TEX9: variants seen among roughly 807,000 people sequenced by gnomAD.
TEX9 encodes the protein testis expressed 9.
In TEX9, 74 loss-of-function variants were observed where a neutral mutation model predicts 59.6. The observed-to-expected ratio is 1.24, with a 90% CI of 1.03 to 1.51. The LOEUF (loss-of-function observed/expected upper bound fraction) is 1.51. Among genes scored for constraint, TEX9 ranks in the 40% most tolerant of loss-of-function variants. TEX9 has a pLI of 0.00. For synonymous variants in TEX9, 186 were observed against 152.2 expected (o/e 1.22, Z -1.64); for missense variants, 522 against 447.8 (o/e 1.17, Z -1.49).
At chr15:56,369,347 G>A (rs967618386) in intron 2 of TEX9, among the ~76,000 whole-genome samples, 12 of 145,992 alleles carry the variant, frequency 8.2e-5, no homozygotes, top group Middle Eastern at 6.8e-3. Context: ...ATGGCACCAT[G>A]CCATGCTAAT....
chr15:56,253,844 T>A (rs1280754163), intron 1 of TEX9, among the ~76,000 whole-genome samples: 2 of 151,640 alleles, frequency 1.3e-5, no homozygotes, highest in African/African-American at 4.9e-5. Context: ...TAAAAAAAAA[T>A]GGAATAGACT....
At chr15:56,284,265 A>G (rs116139129) in intron 1 of TEX9, among the ~76,000 whole-genome samples, 4,032 of 152,154 alleles carry the variant, frequency 0.026, 175 homozygotes, top group African/African-American at 0.091. Context: ...CCACAGTGCT[A>G]GGATTACAGG....
intron 12 of TEX9, chr15:56,429,403 A>ATTTATCAGCTCTAG (rs2050494274): frequency 2.3e-6 from 1 of 425,858 alleles, no homozygotes; most frequent in African/African-American, 2.1e-5. Context: ...CAATTTTCTG[A>ATTTATCAGCTCTAG]TTTATCAGCT....
intron 9 of TEX9, chr15:56,395,206 CA>C (rs1288423563): frequency 4.4e-6 from 1 of 225,008 alleles, no homozygotes; most frequent in Non-Finnish European, 8.6e-6. Flanking sequence ...TTCTGGAAAT[CA>C]CATATACGTG....
intron 1 of TEX9, among the ~76,000 whole-genome samples, chr15:56,306,257 C>CAAAAAAA (rs55882329): frequency 3.3e-4 from 26 of 79,444 alleles, no homozygotes; most frequent in Non-Finnish European, 3.6e-4. Context: ...AGGTACATAG[C>CAAAAAAA]AAAAAAAAAA....
downstream of TEX9, among the ~76,000 whole-genome samples, chr15:56,450,361 A>C (rs1402153366): frequency 6.6e-6 from 1 of 152,172 alleles, no homozygotes; most frequent in Non-Finnish European, 1.5e-5. Context: ...CACTATTTCC[A>C]AAACTTTTTC....
At chr15:56,412,432 A>C in exon 10 of TEX9, 1 of 1,606,966 alleles carries the variant, frequency 6.2e-7, no homozygotes, top group Non-Finnish European at 8.5e-7. Flanking sequence ...AGGCAAAATA[A>C]CAAGGTATGG....
At chr15:56,433,228 G>C (rs1462761686) in intron 12 of TEX9, among the ~76,000 whole-genome samples, 1 of 141,214 alleles carries the variant, frequency 7.1e-6, no homozygotes, top group African/African-American at 2.6e-5. Context: ...CACAGGGAGA[G>C]GAACATCATC....
At chr15:56,365,502 G>T (rs1278234140) in intron 1 of TEX9, 25 bp downstream of exon 1, 1 of 1,614,194 alleles carries the variant, frequency 6.2e-7, no homozygotes, top group South Asian at 1.1e-5. Flanking sequence ...AGGCTCCTGG[G>T]GAGCGTCTGG....
chr15:56,435,830 T>C (rs773646422), intron 12 of TEX9, among the ~76,000 whole-genome samples: 7 of 151,990 alleles, frequency 4.6e-5, no homozygotes, highest in Non-Finnish European at 7.4e-5. Context: ...GAAGATAGTA[T>C]TACCCCGCTA....
intron 3 of TEX9, 96 bp downstream of exon 3, chr15:56,373,600 G>C: frequency 1.0e-6 from 1 of 979,438 alleles, no homozygotes. Context: ...ACTAGCCAAA[G>C]CATGTGTGTT....
chr15:56,282,803 T>C (rs1444161467), intron 1 of TEX9, among the ~76,000 whole-genome samples: 2 of 151,998 alleles, frequency 1.3e-5, no homozygotes, highest in East Asian at 3.8e-4. Flanking sequence ...TATTGCAAAG[T>C]GAGGGAAATT....
chr15:56,309,693 G>GTTTTTTT (rs60648387), intron 1 of TEX9, among the ~76,000 whole-genome samples: 6,470 of 60,558 alleles, frequency 0.11, 1,023 homozygotes, highest in Non-Finnish European at 0.14. Flanking sequence ...TTTATGGGAA[G>GTTTTTTT]TTTTTTTTTT....
At chr15:56,312,121 T>C (rs1229790809) in intron 1 of TEX9, among the ~76,000 whole-genome samples, 4 of 148,364 alleles carry the variant, frequency 2.7e-5, no homozygotes, top group South Asian at 2.1e-4. Flanking sequence ...GGTAGTTTCT[T>C]TTGCTGTGCA....
At chr15:56,316,013 A>T (rs1240943008) in intron 1 of TEX9, among the ~76,000 whole-genome samples, 102 of 151,012 alleles carry the variant, frequency 6.8e-4, no homozygotes, top group Non-Finnish European at 1.4e-3. Context: ...AGCTCCTTTA[A>T]GCACTTCTCT....
Position 56,295,258 on chromosome 15 carries a change from T to C in TEX9, c.-107+50980T>C, listed in dbSNP as rs191643176. Among the ~76,000 whole-genome samples, 128 of 152,258 alleles carry C rather than the reference T, an allele frequency of 8.4e-4. 1 individual carries two copies. Among genetic ancestry groups the C allele is most frequent in the Admixed American group, 8.3e-3 (127 of 15,286 alleles). On this transcript the variant is annotated intron_variant, in intron 1 of 5. Coordinates refer to the TEX9 transcript ENST00000560827. ...CAATAAGTATAAACACCTTGTAGGATTGTTGAGAGCATTATAGATAATTTA... is the reference window on the plus strand; with the variant it reads ...CAATAAGTATAAACACCTTGTAGGACTGTTGAGAGCATTATAGATAATTTA...
chr15:56,446,057 T>C (rs1414392524), downstream of TEX9: 2 of 151,978 alleles, frequency 1.3e-5, no homozygotes, highest in East Asian at 3.9e-4. Flanking sequence ...AACACACACA[T>C]ATATGTGTCA....
At chr15:56,390,373 A>G (rs1001931608) in intron 6 of TEX9, among the ~76,000 whole-genome samples, 4 of 152,038 alleles carry the variant, frequency 2.6e-5, no homozygotes, top group African/African-American at 7.2e-5. Flanking sequence ...AACTCAAACA[A>G]TGCTTGAGGG....
intron 1 of TEX9, among the ~76,000 whole-genome samples, chr15:56,269,181 A>AT (rs1385065171): frequency 6.6e-6 from 1 of 151,910 alleles, no homozygotes; most frequent in Non-Finnish European, 1.5e-5. Context: ...CCCCTTTGTC[A>AT]TTTTTTATTG....
Sources: gnomAD v4.1 joint callset for allele counts (sites outside exome capture counted in the v4.1 genomes callset) on GRCh38, gnomAD v4.1.1 for gene constraint, MANE v1.5 for transcripts, NCBI Gene and HGNC (gene_info 2026-07-23, HGNC 2026-07-21) for gene names.